Variants in CCSER1 observed in about 807,000 individuals in gnomAD.
CCSER1 encodes serine-rich coiled-coil domain-containing protein 1.
CCSER1 carries 41 observed loss-of-function variants against 82.0 expected under a neutral mutation model. That is an observed-to-expected ratio of 0.50 (90% CI 0.39 to 0.65). The LOEUF is 0.65. Ranked by LOEUF, CCSER1 falls within the 30% of genes least tolerant of loss-of-function variation. CCSER1 has a pLI of 0.00. For missense variants in CCSER1, 1,119 were observed against 1,064.2 expected, an observed-to-expected ratio of 1.05 and a Z score of -0.72; for synonymous variants, 414 against 383.9, an observed-to-expected ratio of 1.08 and a Z score of -0.92.
chr4:90,261,160 T>C (rs1724260206), intron 1 of CCSER1, among the ~76,000 whole-genome samples: 1 of 150,044 alleles, frequency 6.7e-6, no homozygotes, highest in Non-Finnish European at 1.5e-5. Context: ...CTAGATACAC[T>C]GTTTTTTTTT....
chr4:90,721,265 A>G (rs1251531657), intron 6 of CCSER1, among the ~76,000 whole-genome samples: 4 of 151,910 alleles, frequency 2.6e-5, no homozygotes, highest in Non-Finnish European at 4.4e-5. Context: ...AGTGTTTGAA[A>G]GAAGCAGTTT....
intron 10 of CCSER1, among the ~76,000 whole-genome samples, chr4:91,574,349 A>T (rs1763337531): frequency 6.6e-6 from 1 of 152,142 alleles, no homozygotes; most frequent in South Asian, 2.1e-4. Context: ...ACATTTCTCA[A>T]GAACTTAAAA....
intron 10 of CCSER1, among the ~76,000 whole-genome samples, chr4:91,400,637 T>A (rs990427801): frequency 6.6e-6 from 1 of 151,194 alleles, no homozygotes; most frequent in East Asian, 1.9e-4. Context: ...CTATTTGTAG[T>A]GTTTTTATGT....
intron 6 of CCSER1, 52 bp from the exon 7 acceptor site, chr4:90,723,861 TC>T: frequency 1.2e-6 from 1 of 843,192 alleles, no homozygotes; most frequent in Non-Finnish European, 1.7e-6. Flanking sequence ...TTATGAATAG[TC>T]AAAATGACTA....
At chr4:90,220,125 A>C (rs1741850845) in intron 1 of CCSER1, among the ~76,000 whole-genome samples, 1 of 152,150 alleles carries the variant, frequency 6.6e-6, no homozygotes, top group Non-Finnish European at 1.5e-5. Flanking sequence ...TGTTGTTATA[A>C]AATATTTTGT....
intron 3 of CCSER1, among the ~76,000 whole-genome samples, chr4:90,375,169 G>A (rs887795924): frequency 6.6e-6 from 1 of 152,144 alleles, no homozygotes; most frequent in Non-Finnish European, 1.5e-5. Context: ...CTTAATTCTA[G>A]TTCATCCAAC....
At chr4:91,530,349 A>G (rs182174983) in intron 10 of CCSER1, among the ~76,000 whole-genome samples, 1 of 152,028 alleles carries the variant, frequency 6.6e-6, no homozygotes, top group Non-Finnish European at 1.5e-5. Context: ...TTGGAAAATA[A>G]ATTTTAGTTT....
intron 5 of CCSER1, among the ~76,000 whole-genome samples, chr4:90,521,547 A>G (rs1773135119): frequency 6.6e-6 from 1 of 152,192 alleles, no homozygotes; most frequent in Non-Finnish European, 1.5e-5. Flanking sequence ...GGAGAGCGCA[A>G]TGTATGAATG....
chr4:90,783,426 C>T (rs1047356931), intron 7 of CCSER1, among the ~76,000 whole-genome samples: 1 of 152,060 alleles, frequency 6.6e-6, no homozygotes, highest in Non-Finnish European at 1.5e-5. Context: ...ATGGTAATTC[C>T]GATGAAGATC....
chr4:90,932,990 A>AAGAAAGACAG, intron 9 of CCSER1, among the ~76,000 whole-genome samples: 1 of 48,492 alleles, frequency 2.1e-5, no homozygotes, highest in South Asian at 4.7e-4. Context: ...AAGAGAAAGA[A>AAGAAAGACAG]AGAAAGAAAG....
chr4:90,811,863 T>C (rs1383313482), intron 7 of CCSER1, among the ~76,000 whole-genome samples: 2 of 130,422 alleles, frequency 1.5e-5, no homozygotes, highest in Non-Finnish European at 3.3e-5. Flanking sequence ...TTACTAGCTG[T>C]ATTAGTCAGG....
At chr4:91,447,805 T>C (rs1177597609) in intron 10 of CCSER1, among the ~76,000 whole-genome samples, 1 of 152,142 alleles carries the variant, frequency 6.6e-6, no homozygotes, top group Admixed American at 6.6e-5. Context: ...ACAGTACTTA[T>C]CATAGTGAAA....
intron 8 of CCSER1, among the ~76,000 whole-genome samples, chr4:90,870,775 T>C (rs943047041): frequency 6.6e-6 from 1 of 150,744 alleles, no homozygotes; most frequent in South Asian, 2.1e-4. Context: ...GCTCTTTAAA[T>C]GTCTGATAAA....
At chr4:90,477,995 T>G (rs1329921356) in intron 5 of CCSER1, among the ~76,000 whole-genome samples, 1 of 152,108 alleles carries the variant, frequency 6.6e-6, no homozygotes, top group African/African-American at 2.4e-5. Context: ...TCTGAAAACT[T>G]GAAGTCTAGA....
intron 6 of CCSER1, among the ~76,000 whole-genome samples, chr4:90,650,740 C>CT (rs1325755847): frequency 6.6e-6 from 1 of 152,166 alleles, no homozygotes. Context: ...CCAGGCTCTA[C>CT]TTTAACACAG....
At position 91,104,010 on chromosome 4, in the gene CCSER1, G is replaced by T. The variant is rs905144358; in HGVS notation, c.2217+18016G>T. On this transcript the variant is annotated intron_variant, in intron 10 of 10. Transcript: ENST00000509176. ...CCTGGGGGGAGGTCTATAAACGGCC[G>T]CTCTGGGAATGTCTGTCTTATGCAT... Among the ~76,000 whole-genome samples the T allele has an allele frequency of 3.3e-5, 5 of 152,108 alleles. No individual in the cohort carries two copies. The East Asian group carries it at 9.7e-4, about 30-fold the overall frequency.
chr4:91,221,821 G>C (rs1279398411), intron 10 of CCSER1, among the ~76,000 whole-genome samples: 1 of 152,044 alleles, frequency 6.6e-6, no homozygotes, highest in Non-Finnish European at 1.5e-5. Flanking sequence ...TAAATAGCTA[G>C]AGTCCAGTGT....
intron 4 of CCSER1, among the ~76,000 whole-genome samples, chr4:90,412,706 T>C (rs1326169116): frequency 6.6e-6 from 1 of 152,120 alleles, no homozygotes; most frequent in Non-Finnish European, 1.5e-5. Flanking sequence ...AAATCCAGCA[T>C]TGCTTTATGA....
chr4:91,020,657 G>A lies in CCSER1; in HGVS notation c.2173-65293G>A, dbSNP rs143036463. 3.4e-3 allele frequency among the ~76,000 whole-genome samples: 517 copies of A among 149,910 alleles called. 3 individuals are homozygous for A. The highest frequency in any genetic ancestry group is 0.012 in the African/African-American group (488 of 40,840). On this transcript the variant is annotated intron_variant, in intron 9 of 10. Coordinates refer to ENST00000509176, the MANE Select transcript of CCSER1 (RefSeq NM_001145065.2). The stretch of plus-strand genomic sequence containing the variant: ...AGCCTGGGTGACAGAGCGAGACTCC[G>A]TCTCAAAAAAAAAAAAGTACATACC...
Sources: allele counts gnomAD v4.1 joint callset (sites outside exome capture counted in the v4.1 genomes callset), GRCh38; gene constraint gnomAD v4.1.1; transcripts MANE v1.5; gene names NCBI Gene and HGNC (gene_info 2026-07-23, HGNC 2026-07-21).